Variants in MAP1LC3B observed in about 807,000 individuals in gnomAD.
The protein encoded by MAP1LC3B is microtubule-associated protein 1 light chain 3 beta.
In MAP1LC3B, 12 loss-of-function variants were observed where a neutral mutation model predicts 16.7. The observed-to-expected ratio is 0.72, with a 90% CI of 0.46 to 1.16. The LOEUF is 1.16. MAP1LC3B is among the 50% of genes most tolerant of loss of function. The pLI is 0.00. For missense variants in MAP1LC3B, 155 were observed against 159.5 expected, an observed-to-expected ratio of 0.97 and a Z score of 0.15; for synonymous variants, 63 against 56.5, an observed-to-expected ratio of 1.11 and a Z score of -0.51.
At chr16:87,401,132 C>CAAAAAA (rs10543884) in intron 2 of MAP1LC3B, among the ~76,000 whole-genome samples, 1 of 67,574 alleles carries the variant, frequency 1.5e-5, no homozygotes, top group Non-Finnish European at 2.9e-5. Context: ...GACTCTGTCT[C>CAAAAAA]AAAAAAAAAA....
At chr16:87,402,855 A>G in intron 3 of MAP1LC3B, 68 bp from the exon 4 acceptor site, 2 of 1,583,078 alleles carry the variant, frequency 1.3e-6, no homozygotes, top group Non-Finnish European at 1.7e-6. Flanking sequence ...AGTGGGTGAT[A>G]TTTTAACACA....
intron 1 of MAP1LC3B, chr16:87,396,556 C>G (rs990902405): frequency 6.6e-6 from 1 of 151,932 alleles, no homozygotes; most frequent in Non-Finnish European, 1.5e-5. Context: ...AAATGTGAAA[C>G]ATTCCAGGAT....
chr16:87,392,701 T>C (rs76082995), intron 1 of MAP1LC3B: 93,008 of 203,038 alleles, frequency 0.46, 23,959 homozygotes, highest in East Asian at 1. Context: ...CCTGCGGACC[T>C]CTCGGAGGCC....
intron 1 of MAP1LC3B, chr16:87,392,991 C>G (rs1052804347): frequency 6.6e-6 from 1 of 152,334 alleles, no homozygotes; most frequent in Non-Finnish European, 1.5e-5. Context: ...GCGAGTGCCT[C>G]TTACAGACCT....
chr16:87,395,893 C>T (rs1380984693), intron 1 of MAP1LC3B, among the ~76,000 whole-genome samples: 2 of 127,724 alleles, frequency 1.6e-5, no homozygotes, highest in Admixed American at 9.3e-5. Context: ...CAGGATCTCG[C>T]GCTGTCACCC....
At chr16:87,393,048 C>G (rs993458979) in intron 1 of MAP1LC3B, 2 of 152,290 alleles carry the variant, frequency 1.3e-5, no homozygotes, top group African/African-American at 4.8e-5. Flanking sequence ...CCCGGCCTCG[C>G]CGCGCCCGGG....
chr16:87,393,067 C>T lies in MAP1LC3B; in HGVS notation c.40+600C>T, dbSNP rs184039544. 5.9e-3 allele frequency: 894 copies of T among 152,486 alleles called. 5 individuals carry two copies. Among genetic ancestry groups the T allele is most frequent in the Non-Finnish European group, 8.8e-3 (600 of 68,156 alleles). 9.4% of individuals were successfully genotyped at this position (152,486 alleles called of 1,614,324 possible). On this transcript the variant is annotated intron_variant, in intron 1 of 3. Transcript: ENST00000268607. ...GCCTCGCCGCGCCCGGGACGGCCCA[C>T]AGCGGTGTTGCCAGTTCCTGTCTGT...
chr16:87,395,538 T>G (rs1405545455), intron 1 of MAP1LC3B, among the ~76,000 whole-genome samples: 1 of 152,238 alleles, frequency 6.6e-6, no homozygotes, highest in Non-Finnish European at 1.5e-5. Flanking sequence ...ACTGTTAGCC[T>G]CTAAAACAGC....
intron 1 of MAP1LC3B, among the ~76,000 whole-genome samples, chr16:87,394,558 C>T (rs1907733373): frequency 6.6e-6 from 1 of 152,184 alleles, no homozygotes; most frequent in African/African-American, 2.4e-5. Flanking sequence ...CTGAAAACAA[C>T]GCCTTCCTTT....
chr16:87,401,834 G>C (rs1364536131), intron 2 of MAP1LC3B, among the ~76,000 whole-genome samples: 2 of 148,816 alleles, frequency 1.3e-5, no homozygotes, highest in East Asian at 4.0e-4. Flanking sequence ...CCAGCCTGAT[G>C]ACTTTTTTTT....
At chr16:87,397,893 T>C (rs1182392000) in intron 1 of MAP1LC3B, among the ~76,000 whole-genome samples, 2 of 151,994 alleles carry the variant, frequency 1.3e-5, no homozygotes, top group East Asian at 1.9e-4. Context: ...GCTTTGTAAA[T>C]GACTTCTCTC....
chr16:87,399,705 A>T, intron 2 of MAP1LC3B: 1 of 397,576 alleles, frequency 2.5e-6, no homozygotes, highest in South Asian at 1.8e-5. Context: ...ACAGCTTAAA[A>T]CTAAAAAAAA....
Position 87,392,384 on chromosome 16 carries a change from G to T in MAP1LC3B, c.-44G>T. ...AGCCGCCGCCCCCGGGAGCCGCCGG[G>T]ACCCTCGCGTCGTCGCCGCCGCCGC... is the stretch of plus-strand genomic sequence containing the variant. On this transcript the variant is annotated 5_prime_UTR_variant, in exon 1 of 4. Transcript: ENST00000268607. 2 of 1,407,006 alleles carry T rather than the reference G, an allele frequency of 1.4e-6. No homozygotes were observed. The highest frequency in any genetic ancestry group is 9.2e-7 in the Non-Finnish European group (1 of 1,089,162). 87.2% of individuals were successfully genotyped at this position (1,407,006 alleles called of 1,614,324 possible). A position where few individuals can be genotyped will look rare whatever the true frequency, so the allele number is the denominator to read the frequency against.
intron 1 of MAP1LC3B, among the ~76,000 whole-genome samples, chr16:87,394,171 C>G (rs925918490): frequency 3.9e-5 from 6 of 152,084 alleles, no homozygotes; most frequent in African/African-American, 1.4e-4. Context: ...CCTTGGCTCA[C>G]CTTTATTTTG....
intron 3 of MAP1LC3B, chr16:87,402,697 C>A: frequency 1.7e-6 from 1 of 605,146 alleles, no homozygotes; most frequent in Non-Finnish European, 2.8e-6. Flanking sequence ...AACAGCTGTT[C>A]AGACAGTATA....
intron 2 of MAP1LC3B, chr16:87,399,511 A>G: frequency 4.7e-6 from 2 of 429,860 alleles, no homozygotes; most frequent in Non-Finnish European, 9.3e-6. Context: ...ACACAATAGA[A>G]CAATGTACAA....
chr16:87,396,493 C>A (rs112233682), intron 1 of MAP1LC3B, among the ~76,000 whole-genome samples: 1,526 of 151,378 alleles, frequency 0.01, 14 homozygotes, highest in Non-Finnish European at 0.016. Flanking sequence ...AAAAAAAATT[C>A]TTTCCCCTCT....
rs528315518 is a variant in MAP1LC3B at position 87,392,397 on chromosome 16, T to TCGC, written c.-17_-15dup. On this transcript the variant is annotated 5_prime_UTR_variant, in exon 1 of 4. Coordinates refer to ENST00000268607, the MANE Select transcript of MAP1LC3B (RefSeq NM_022818.5). ...GGGAGCCGCCGGGACCCTCGCGTCG[T>TCGC]CGCCGCCGCCGCCGCCCAGATCCCT... 4.3e-4 allele frequency: 603 copies of TCGC among 1,409,316 alleles called. No homozygotes were observed. The highest frequency in any genetic ancestry group is 2.5e-3 in the South Asian group (170 of 68,510). 87.3% of individuals were successfully genotyped at this position (1,409,316 alleles called of 1,614,324 possible).
chr16:87,399,958 G>C (rs541866850), intron 2 of MAP1LC3B: 410 of 181,336 alleles, frequency 2.3e-3, no homozygotes, highest in African/African-American at 9.0e-3. Flanking sequence ...ATTTTTAGTA[G>C]AGACAGGGTT....
Sources: gnomAD v4.1 joint callset for allele counts (sites outside exome capture counted in the v4.1 genomes callset) on GRCh38, gnomAD v4.1.1 for gene constraint, MANE v1.5 for transcripts, NCBI Gene and HGNC (gene_info 2026-07-23, HGNC 2026-07-21) for gene names.